Variants in MYO10 observed in about 807,000 individuals in gnomAD.
MYO10 encodes the protein unconventional myosin-X.
A neutral mutation model predicts 257.3 loss-of-function variants in MYO10; 133 were observed. The observed-to-expected ratio is 0.52, with a 90% confidence interval of 0.45 to 0.60. The LOEUF is 0.60. Ranked by LOEUF, MYO10 falls within the 20% of genes least tolerant of loss-of-function variation. The probability of loss-of-function intolerance (pLI) is 0.00; values close to 1 mark genes in which losing one functional copy is unlikely to be tolerated. For synonymous variants in MYO10, 1,104 were observed against 1,028.6 expected (o/e 1.07, Z -1.40); for missense variants, 2,399 against 2,635.7 (o/e 0.91, Z 1.97).
intron 36 of MYO10, 33 bp from the exon 37 acceptor site, chr5:16,672,858 C>T (rs763583945): frequency 3.7e-6 from 6 of 1,603,974 alleles, no homozygotes; most frequent in Non-Finnish European, 5.1e-6. Context: ...TTCAGTTCCA[C>T]AGGCTGCGGC....
chr5:16,856,443 A>G (rs1275766854), intron 2 of MYO10, among the ~76,000 whole-genome samples: 1 of 151,936 alleles, frequency 6.6e-6, no homozygotes, highest in Non-Finnish European at 1.5e-5. Context: ...CCAGCTACTC[A>G]GGAGGCCAAG....
At chr5:16,914,653 C>T (rs927432100) in intron 1 of MYO10, among the ~76,000 whole-genome samples, 8 of 152,186 alleles carry the variant, frequency 5.3e-5, no homozygotes, top group African/African-American at 1.9e-4. Context: ...CTGGGTACCC[C>T]AGACATGAAA....
intron 22 of MYO10, 119 bp from the exon 23 acceptor site, chr5:16,703,277 A>C: frequency 6.8e-6 from 5 of 736,880 alleles, no homozygotes; most frequent in Non-Finnish European, 1.1e-5. Flanking sequence ...TGAGACTCTC[A>C]TTATGGAAAC....
chr5:16,720,444 TA>T (rs1419930933), intron 19 of MYO10, among the ~76,000 whole-genome samples: 5 of 151,896 alleles, frequency 3.3e-5, no homozygotes, highest in African/African-American at 9.6e-5. Flanking sequence ...TTATTTTATT[TA>T]TTTTATTTTA....
intron 2 of MYO10, among the ~76,000 whole-genome samples, chr5:16,851,676 G>A (rs1743804543): frequency 6.6e-6 from 1 of 152,122 alleles, no homozygotes; most frequent in Non-Finnish European, 1.5e-5. Context: ...TAAGTCCTCT[G>A]CGAAGATCAA....
chr5:16,864,629 G>C (rs1188495718), intron 2 of MYO10, among the ~76,000 whole-genome samples: 1 of 152,178 alleles, frequency 6.6e-6, no homozygotes, highest in African/African-American at 2.4e-5. Flanking sequence ...GAGTCTCCCA[G>C]ATTACAATAA....
At chr5:16,703,303 G>A (rs1579863157) in intron 22 of MYO10, 145 bp from the exon 23 acceptor site, 1 of 619,904 alleles carries the variant, frequency 1.6e-6, no homozygotes, top group Admixed American at 3.2e-5. Flanking sequence ...AGAACAAGGA[G>A]GCCCCTTTGG....
chr5:16,818,307 A>C, intron 2 of MYO10, 140 bp from the exon 3 acceptor site: 1 of 711,392 alleles, frequency 1.4e-6, no homozygotes, highest in Non-Finnish European at 2.2e-6. Context: ...TATATCGCAA[A>C]AATCTCTTTC....
chr5:16,804,599 G>A (rs991365485), intron 3 of MYO10, among the ~76,000 whole-genome samples: 6 of 152,164 alleles, frequency 3.9e-5, no homozygotes, highest in Admixed American at 6.5e-5. Flanking sequence ...ATGGTCGCGC[G>A]CAGAGGCTCC....
At chr5:16,866,241 T>TA (rs2126750970) in intron 2 of MYO10, among the ~76,000 whole-genome samples, 1 of 152,208 alleles carries the variant, frequency 6.6e-6, no homozygotes, top group South Asian at 2.1e-4. Flanking sequence ...CAAATGCACA[T>TA]ACGCAACGGC....
rs555573287 is a variant in MYO10 at position 16,885,547 on chromosome 5, C to A, written c.22-7840G>T. Among the ~76,000 whole-genome samples, 13 of 152,030 alleles carry A rather than the reference C, an allele frequency of 8.6e-5. No homozygotes were observed. In the South Asian group the frequency reaches 2.5e-3, roughly 29 times the overall value. On this transcript the variant is annotated intron_variant, in intron 1 of 40. Transcript: ENST00000513610. Reference sequence around the variant, plus strand: ...AATTAGCTGGGCGCAGTGGTGGGTGCCTGTAATCCCAGCTACTTGGGAGGC... The same window carrying A: ...AATTAGCTGGGCGCAGTGGTGGGTGACTGTAATCCCAGCTACTTGGGAGGC...
Position 16,936,152 on chromosome 5 carries a change from T to A in MYO10, c.-344A>T, listed in dbSNP as rs944656335. ...GCTGGCGAGCGCGGCCCCCTCCCTC[T>A]GCGCTCCGGCCGGGGGCCCTCGGGG... On this transcript the variant is annotated 5_prime_UTR_variant, in exon 1 of 41. Transcript: ENST00000513610. 5 of 324,872 alleles carry A rather than the reference T, an allele frequency of 1.5e-5. No homozygotes were observed. The East Asian group carries it at 2.9e-4, about 19-fold the overall frequency. 20.1% of individuals were successfully genotyped at this position (324,872 alleles called of 1,614,324 possible). A position where few individuals can be genotyped will look rare whatever the true frequency, so the allele number is the denominator to read the frequency against.
intron 9 of MYO10, 61 bp from the exon 10 acceptor site, chr5:16,769,264 A>C: frequency 6.8e-7 from 1 of 1,464,926 alleles, no homozygotes. Context: ...AAAATGTAGA[A>C]TATCCCTGAT....
intron 2 of MYO10, among the ~76,000 whole-genome samples, chr5:16,851,847 T>TA (rs1208227999): frequency 6.6e-6 from 1 of 151,782 alleles, no homozygotes; most frequent in East Asian, 1.9e-4. Flanking sequence ...GGTCAGGAGT[T>TA]AGAGACCAGC....
chr5:16,754,997 A>T (rs1010545009), intron 18 of MYO10, 89 bp from the exon 19 acceptor site: 15 of 762,134 alleles, frequency 2.0e-5, no homozygotes, highest in African/African-American at 1.8e-4. Context: ...ACAATAATTT[A>T]AAAAACACAA....
At position 16,673,705 on chromosome 5, in the gene MYO10, T is replaced by TGATGGTGATC; in HGVS notation, c.5139_5148dup (p.Asn1717AspfsTer33). 2 of 1,613,778 alleles carry TGATGGTGATC rather than the reference T, an allele frequency of 1.2e-6. No individual in the cohort carries two copies. Among genetic ancestry groups the TGATGGTGATC allele is most frequent in the Non-Finnish European group, 1.7e-6 (2 of 1,179,818 alleles). Reference sequence around the variant, plus strand: ...ACCTCCCCAGCGGTGGTGTGGGAGTTGATGGTGATCTTGCAGGAGCCGCCG... The same window carrying TGATGGTGATC: ...ACCTCCCCAGCGGTGGTGTGGGAGTTGATGGTGATCGATGGTGATCTTGCAGGAGCCGCCG... On this transcript the variant is annotated frameshift_variant, in exon 36 of 41. Coordinates refer to ENST00000513610, the MANE Select transcript of MYO10 (RefSeq NM_012334.3). LOFTEE classifies it high-confidence loss of function.
intron 2 of MYO10, among the ~76,000 whole-genome samples, chr5:16,870,144 C>T (rs1185317895): frequency 1.3e-5 from 2 of 151,314 alleles, no homozygotes; most frequent in Non-Finnish European, 2.9e-5. Flanking sequence ...TATGATGCCG[C>T]AGTCAGCCCA....
intron 1 of MYO10, among the ~76,000 whole-genome samples, chr5:16,881,559 A>C (rs1405231069): frequency 6.6e-6 from 1 of 152,242 alleles, no homozygotes; most frequent in Non-Finnish European, 1.5e-5. Context: ...TATCACAAAC[A>C]GCTGTCTTCC....
At chr5:16,900,941 T>C (rs776187318) in intron 1 of MYO10, among the ~76,000 whole-genome samples, 25 of 152,112 alleles carry the variant, frequency 1.6e-4, no homozygotes, top group Non-Finnish European at 3.4e-4. Flanking sequence ...AGTTTCACCA[T>C]GTTGGCCAGG....
Sources: gnomAD v4.1 joint callset for allele counts (sites outside exome capture counted in the v4.1 genomes callset) on GRCh38, gnomAD v4.1.1 for gene constraint, MANE v1.5 for transcripts, NCBI Gene and HGNC (gene_info 2026-07-23, HGNC 2026-07-21) for gene names.